GRID1: variants seen among roughly 807,000 people sequenced by gnomAD.
GRID1 encodes the protein glutamate receptor ionotropic, delta-1.
GRID1 carries 28 observed loss-of-function variants against 98.0 expected under a neutral mutation model. The observed-to-expected ratio is 0.29, with a 90% CI of 0.21 to 0.39. The LOEUF (loss-of-function observed/expected upper bound fraction) is 0.39, where lower values mean the gene tolerates loss of function less well. Ranked by LOEUF, GRID1 falls within the 10% of genes least tolerant of loss-of-function variation. The pLI, the probability that GRID1 is intolerant of heterozygous loss-of-function variation, is 1.00. For synonymous variants in GRID1, 553 were observed against 538.5 expected (o/e 1.03, Z -0.37); for missense variants, 1,111 against 1,340.5 (o/e 0.83, Z 2.67).
At chr10:85,730,052 A>T (rs1841805698) in intron 8 of GRID1, among the ~76,000 whole-genome samples, 1 of 152,242 alleles carries the variant, frequency 6.6e-6, no homozygotes, top group Non-Finnish European at 1.5e-5. Context: ...CAGTAAAGCA[A>T]GTAGCAAACA....
chr10:85,660,090 CAGCCACACCACCCCAAG>C (rs1249200798), intron 12 of GRID1, among the ~76,000 whole-genome samples: 1 of 152,172 alleles, frequency 6.6e-6, no homozygotes, highest in African/African-American at 2.4e-5. Context: ...TGCCAGGTGC[CAGCCACACCACCCCAAG>C]AGCTCCACAT....
chr10:85,882,368 C>T (rs1368241969), intron 5 of GRID1, among the ~76,000 whole-genome samples: 1 of 152,112 alleles, frequency 6.6e-6, no homozygotes, highest in Non-Finnish European at 1.5e-5. Flanking sequence ...GACTTGGAAC[C>T]AACCCAAATG....
intron 3 of GRID1, among the ~76,000 whole-genome samples, chr10:86,168,812 C>T (rs1263783384): frequency 6.6e-6 from 1 of 152,178 alleles, no homozygotes; most frequent in Non-Finnish European, 1.5e-5. Context: ...GGGGACAGGG[C>T]AGGGCAAAGA....
chr10:85,768,974 G>A (rs778622186), intron 8 of GRID1, among the ~76,000 whole-genome samples: 2 of 152,108 alleles, frequency 1.3e-5, no homozygotes, highest in Non-Finnish European at 2.9e-5. Flanking sequence ...TCAGAAGATT[G>A]GAAATAGCTT....
At chr10:86,246,881 A>G (rs1846737941) in intron 2 of GRID1, among the ~76,000 whole-genome samples, 1 of 152,246 alleles carries the variant, frequency 6.6e-6, no homozygotes, top group African/African-American at 2.4e-5. Context: ...TGATGACTGT[A>G]CTGATTTGTT....
chr10:86,166,436 T>C (rs1035168893), intron 3 of GRID1, among the ~76,000 whole-genome samples: 20 of 152,174 alleles, frequency 1.3e-4, no homozygotes, highest in Admixed American at 1.3e-3. Context: ...CCAACAGACA[T>C]TGTCACTATC....
At chr10:85,606,367 G>A (rs1044075541) in intron 15 of GRID1, 2 of 152,154 alleles carry the variant, frequency 1.3e-5, no homozygotes, top group South Asian at 2.1e-4. Context: ...CTTCACATCA[G>A]TGGGACTTCA....
At chr10:85,923,506 C>T (rs1416427460) in intron 4 of GRID1, among the ~76,000 whole-genome samples, 6 of 152,144 alleles carry the variant, frequency 3.9e-5, no homozygotes, top group Non-Finnish European at 7.3e-5. Flanking sequence ...GGGGCAATCG[C>T]TGGCATTTAC....
chr10:86,308,339 C>G (rs1414930257), intron 2 of GRID1, among the ~76,000 whole-genome samples: 1 of 152,258 alleles, frequency 6.6e-6, no homozygotes, highest in Admixed American at 6.5e-5. Context: ...AGCCCCTGGT[C>G]CCAGCCCCAG....
chr10:86,364,413 A>G (rs982625159), intron 1 of GRID1, among the ~76,000 whole-genome samples: 1 of 152,174 alleles, frequency 6.6e-6, no homozygotes, highest in Middle Eastern at 3.2e-3. Context: ...TGCTCCACAC[A>G]AGGGACTAAG....
At chr10:86,279,960 T>C (rs1847334124) in intron 2 of GRID1, among the ~76,000 whole-genome samples, 1 of 152,166 alleles carries the variant, frequency 6.6e-6, no homozygotes. Context: ...TCTCAGTGCT[T>C]TGGGAGCGAC....
At chr10:85,619,827 G>T (rs1387695008) in intron 14 of GRID1, 40 bp downstream of exon 14, 21 of 1,531,436 alleles carry the variant, frequency 1.4e-5, no homozygotes, top group Non-Finnish European at 1.8e-5. Flanking sequence ...GACCACTAGA[G>T]TCCTGAGGCA....
intron 4 of GRID1, among the ~76,000 whole-genome samples, chr10:85,981,576 G>A (rs1035400768): frequency 2.0e-5 from 3 of 152,108 alleles, no homozygotes; most frequent in Admixed American, 1.3e-4. Context: ...GGGCTCTCTG[G>A]CAGGCTGATG....
In GRID1 at chr10:85,727,894, G is replaced by A. The variant is rs1841779606; in HGVS notation, c.1494C>T (p.Asn498=). The A allele has an allele frequency of 6.2e-7, 1 of 1,613,966 alleles. No individual in the cohort carries two copies. Among genetic ancestry groups the A allele is most frequent in the African/African-American group, 1.3e-5 (1 of 75,016 alleles). ...CCCCGATCATCCCGTTCCAGGAGGT[G>A]TTATGGAGCTGGTGACCGTACCTGC... ...PDGRYGHQLH[N]TSWNGMIGEL... Residue 498 remains asparagine, a synonymous_variant, in exon 10 of 16, where the codon AAC becomes AAT. Coordinates refer to ENST00000327946, the MANE Select transcript of GRID1 (RefSeq NM_017551.3).
At chr10:86,340,377 G>A (rs1170205824) in intron 2 of GRID1, among the ~76,000 whole-genome samples, 3 of 152,224 alleles carry the variant, frequency 2.0e-5, no homozygotes, top group African/African-American at 7.2e-5. Flanking sequence ...CAGGCCTAAT[G>A]CAGAAAACGT....
intron 8 of GRID1, among the ~76,000 whole-genome samples, chr10:85,740,465 A>C (rs1841929592): frequency 1.3e-5 from 2 of 152,128 alleles, no homozygotes; most frequent in Non-Finnish European, 2.9e-5. Flanking sequence ...CTGACAGTCA[A>C]TTCTATGAGT....
rs146962493 is a variant in GRID1, at chr10:86,030,471, C to T, written c.726+108348G>A. On this transcript the variant is annotated intron_variant, in intron 4 of 15. Coordinates refer to ENST00000327946, the MANE Select transcript of GRID1 (RefSeq NM_017551.3). ...ATCTGGTGGAGGCAAAACAGTGTTA[C>T]TACCCATCAGAATGGTTGACAGCAA... 8.4e-4 allele frequency among the ~76,000 whole-genome samples: 128 copies of T among 152,354 alleles called. 2 individuals are homozygous for T. The East Asian group carries it at 0.02, about 24-fold the overall frequency.
At chr10:85,648,396 A>T (rs1843224795) in intron 12 of GRID1, among the ~76,000 whole-genome samples, 1 of 152,176 alleles carries the variant, frequency 6.6e-6, no homozygotes, top group South Asian at 2.1e-4. Flanking sequence ...AAAATAAAAA[A>T]AGCCCAGTGG....
chr10:85,678,848 G>C (rs767853327), intron 12 of GRID1, among the ~76,000 whole-genome samples: 1 of 151,986 alleles, frequency 6.6e-6, no homozygotes, highest in African/African-American at 2.4e-5. Context: ...CTGCAACTTT[G>C]GTTTGTACTC....
Sources: allele counts gnomAD v4.1 joint callset (sites outside exome capture counted in the v4.1 genomes callset), GRCh38; gene constraint gnomAD v4.1.1; transcripts MANE v1.5; gene names NCBI Gene and HGNC (gene_info 2026-07-23, HGNC 2026-07-21).